The following CHEK1 variants were observed in gnomAD, a reference collection of about 807,000 sequenced individuals.
CHEK1 encodes serine/threonine-protein kinase Chk1.
A neutral mutation model predicts 60.2 loss-of-function variants in CHEK1; 32 were observed. The ratio of observed to expected loss-of-function variants is 0.53; its 90% CI spans 0.40 to 0.71. The LOEUF (loss-of-function observed/expected upper bound fraction) is 0.71, where lower values mean the gene tolerates loss of function less well. Ranked by LOEUF, CHEK1 falls within the 30% of genes least tolerant of loss-of-function variation. The pLI is 0.00. For synonymous variants in CHEK1, 179 were observed against 187.2 expected (o/e 0.96, Z 0.36); for missense variants, 399 against 564.6 (o/e 0.71, Z 2.97).
chr11:125,662,837 C>T (rs1471227729), intron 13 of CHEK1, among the ~76,000 whole-genome samples: 1 of 152,188 alleles, frequency 6.6e-6, no homozygotes, highest in Non-Finnish European at 1.5e-5. Flanking sequence ...TTTATATTCT[C>T]ACCACCAATA....
chr11:125,648,538 C>T (rs185793359), intron 11 of CHEK1, among the ~76,000 whole-genome samples: 4 of 150,926 alleles, frequency 2.7e-5, no homozygotes, highest in Admixed American at 6.6e-5. Flanking sequence ...GCCGAGATGA[C>T]GCCACTGCAC....
chr11:125,630,110 C>T (rs1039871833), intron 5 of CHEK1, among the ~76,000 whole-genome samples: 15 of 152,050 alleles, frequency 9.9e-5, no homozygotes, highest in Non-Finnish European at 1.5e-5. Context: ...CCTGTTCACT[C>T]TTTTTTTATG....
intron 8 of CHEK1, among the ~76,000 whole-genome samples, chr11:125,639,752 C>G (rs1468727671): frequency 6.6e-6 from 1 of 152,162 alleles, no homozygotes; most frequent in Admixed American, 6.5e-5. Context: ...ATGAAAGCCA[C>G]AAGAGAACTT....
intron 13 of CHEK1, among the ~76,000 whole-genome samples, chr11:125,668,757 G>C (rs1433359974): frequency 6.6e-6 from 1 of 151,976 alleles, no homozygotes; most frequent in Non-Finnish European, 1.5e-5. Flanking sequence ...GGGTCTTGCT[G>C]TGTTGCCCAG....
Position 125,655,483 on chromosome 11 carries a change from G to A in CHEK1, c.*163G>A. On this transcript the variant is annotated 3_prime_UTR_variant, in exon 13 of 13. Transcript: ENST00000438015. ...TCTTCCAATTTATTTTGTTTGTTCG[G>A]CATACAAATAATACCTATATCTTAA... The A allele has an allele frequency of 1.0e-5, 5 of 496,804 alleles. No homozygotes were observed. The highest frequency in any genetic ancestry group is 1.8e-5 in the Non-Finnish European group (5 of 284,664). The allele number at this position is 496,804 out of a possible 1,614,324, so 30.8% of individuals were successfully genotyped here. A position where few individuals can be genotyped will look rare whatever the true frequency, so the allele number is the denominator to read the frequency against.
At chr11:125,673,175 C>A (rs999035553) in intron 13 of CHEK1, among the ~76,000 whole-genome samples, 2 of 150,074 alleles carry the variant, frequency 1.3e-5, no homozygotes, top group East Asian at 4.0e-4. Context: ...TCTTTGCTTG[C>A]ACATCATACT....
chr11:125,679,228 T>TTTTTTTTTTTTG (rs1454887323), downstream of CHEK1, among the ~76,000 whole-genome samples: 1 of 145,550 alleles, frequency 6.9e-6, no homozygotes, highest in African/African-American at 2.6e-5. Context: ...TTTTTTTTTT[T>TTTTTTTTTTTTG]TGTTTCAAAG....
At chr11:125,680,741 C>G (rs781159481), downstream of CHEK1, 27 of 1,613,696 alleles carry the variant, frequency 1.7e-5, no homozygotes, top group Non-Finnish European at 2.3e-5. Context: ...CTGGCAGATC[C>G]AAGCAGATAA....
rs1940928885 is a variant in CHEK1 at position 125,633,072 on chromosome 11, GT to G, written c.425-90del. 7 of 1,172,392 alleles carry G rather than the reference GT, an allele frequency of 6.0e-6. No homozygotes were observed. The Admixed American group carries it at 1.6e-4, about 26-fold the overall frequency. 72.6% of individuals were successfully genotyped at this position (1,172,392 alleles called of 1,614,324 possible). A position where few individuals can be genotyped will look rare whatever the true frequency, so the allele number is the denominator to read the frequency against. On this transcript the variant is annotated intron_variant, in intron 5 of 12. Coordinates refer to ENST00000438015, the MANE Select transcript of CHEK1 (RefSeq NM_001114122.3). ...GTTCTACAAACCTTAAGTAACACCA[GT>G]GATTTTTTTTCAGTAAAACTTAATT...
intron 13 of CHEK1, among the ~76,000 whole-genome samples, chr11:125,666,951 TTTGTTGTTG>T (rs954007836): frequency 6.6e-6 from 1 of 151,838 alleles, no homozygotes; most frequent in Non-Finnish European, 1.5e-5. Flanking sequence ...TCAGACAACT[TTTGTTGTTG>T]TTGTTGTTGT....
chr11:125,667,821 A>G (rs781182011), intron 13 of CHEK1, among the ~76,000 whole-genome samples: 5 of 152,098 alleles, frequency 3.3e-5, no homozygotes, highest in Non-Finnish European at 7.4e-5. Flanking sequence ...GGGTTTCACC[A>G]TGTTGGCCAG....
rs925840558 is a variant in CHEK1, at chr11:125,625,885, A to C, written c.-148A>C. ...AGCCGCCGACATTCAGAGGGGCAGG[A>C]CACGGGAACGCGCGCTGTCTTGCTT... is the stretch of plus-strand genomic sequence containing the variant. On this transcript the variant is annotated 5_prime_UTR_variant, in exon 1 of 13. Transcript: ENST00000438015. 5.7e-6 allele frequency: 4 copies of C among 702,652 alleles called. No homozygotes were observed. Among genetic ancestry groups the C allele is most frequent in the Non-Finnish European group, 5.2e-6 (2 of 385,016 alleles). The allele number at this position is 702,652 out of a possible 1,614,324, so 43.5% of individuals were successfully genotyped here.
intron 3 of CHEK1, 48 bp downstream of exon 3, chr11:125,627,878 G>GA: frequency 7.1e-7 from 1 of 1,406,182 alleles, no homozygotes; most frequent in Non-Finnish European, 9.5e-7. Context: ...TTTTAAATTT[G>GA]TTTTTTAAAT....
chr11:125,652,963 T>C (rs188227645), intron 11 of CHEK1, among the ~76,000 whole-genome samples: 9 of 152,276 alleles, frequency 5.9e-5, no homozygotes, highest in Non-Finnish European at 5.9e-5. Context: ...ATCTTTCCCT[T>C]CCCTCTCCCC....
At chr11:125,671,238 A>G (rs1040132527) in intron 13 of CHEK1, among the ~76,000 whole-genome samples, 12 of 151,890 alleles carry the variant, frequency 7.9e-5, no homozygotes, top group Non-Finnish European at 2.9e-5. Context: ...TTCCCTCAAC[A>G]CCTATACCTA....
At chr11:125,672,594 T>C in intron 13 of CHEK1, 1 of 1,614,052 alleles carries the variant, frequency 6.2e-7, no homozygotes, top group Non-Finnish European at 8.5e-7. Flanking sequence ...CCCAGGCTTC[T>C]AGATCTTATT....
rs759603514 is a variant in CHEK1, at chr11:125,625,232, G to A, written c.-801G>A. On this transcript the variant is annotated 5_prime_UTR_variant, in exon 1 of 13. Transcript: ENST00000438015. Reference sequence around the variant, plus strand: ...TTTGTAGAACTAAGCTAAGCAGATGGTCTTCCTGCAAAAAGACCGGGCTGA... The same window carrying A: ...TTTGTAGAACTAAGCTAAGCAGATGATCTTCCTGCAAAAAGACCGGGCTGA... 53 of 229,304 alleles carry A rather than the reference G, an allele frequency of 2.3e-4. No individual in the cohort carries two copies. Among genetic ancestry groups the A allele is most frequent in the Non-Finnish European group, 4.0e-4 (46 of 115,752 alleles). The allele number at this position is 229,304 out of a possible 1,614,324, so 14.2% of individuals were successfully genotyped here.
intron 13 of CHEK1, among the ~76,000 whole-genome samples, chr11:125,667,227 G>A (rs1942116120): frequency 6.6e-6 from 1 of 151,908 alleles, no homozygotes; most frequent in Non-Finnish European, 1.5e-5. Context: ...TCCATGTTTA[G>A]CTTCCACTTA....
Position 125,643,876 on chromosome 11 carries a change from T to A in CHEK1, c.899T>A (p.Phe300Tyr). 6.2e-7 allele frequency: 1 copy of A among 1,614,062 alleles called. No individual in the cohort carries two copies. The highest frequency in any genetic ancestry group is 8.5e-7 in the Non-Finnish European group (1 of 1,179,934). ...AAGCACATTCAATCCAATTTGGACT[T>A]CTCTCCAGTAAACAGTGCTTCTAGG... is the stretch of plus-strand genomic sequence containing the variant. The part of the protein sequence containing the change: ...FSKHIQSNLD[F>Y]SPVNSASSEE... Residue 300 changes from phenylalanine to tyrosine, a missense_variant, in exon 9 of 13, where the codon TTC (phenylalanine) becomes TAC (tyrosine). Coordinates refer to ENST00000438015, the MANE Select transcript of CHEK1 (RefSeq NM_001114122.3).
Sources: gnomAD v4.1 joint callset for allele counts (sites outside exome capture counted in the v4.1 genomes callset) on GRCh38, gnomAD v4.1.1 for gene constraint, MANE v1.5 for transcripts, NCBI Gene and HGNC (gene_info 2026-07-23, HGNC 2026-07-21) for gene names.